Variants in KCNMA1 observed in about 807,000 individuals in gnomAD.
The protein encoded by KCNMA1 is Calcium-activated potassium channel subunit alpha-1.
Under a neutral mutation model 140.0 loss-of-function variants are expected in KCNMA1, and 29 were observed. That is an observed-to-expected ratio of 0.21 (90% CI 0.15 to 0.28). The LOEUF (loss-of-function observed/expected upper bound fraction) is 0.28. Ranked by LOEUF, KCNMA1 falls within the 10% of genes least tolerant of loss-of-function variation. The pLI is 1.00. For synonymous variants in KCNMA1, 612 were observed against 611.9 expected (o/e 1.00, Z 0.00); for missense variants, 880 against 1,602.2 (o/e 0.55, Z 7.70).
intron 1 of KCNMA1, among the ~76,000 whole-genome samples, chr10:77,413,611 A>T (rs2096669437): frequency 6.6e-6 from 1 of 152,100 alleles, no homozygotes; most frequent in South Asian, 2.1e-4. Context: ...CCAGAGAAAT[A>T]GGGCAACAGG....
intron 2 of KCNMA1, among the ~76,000 whole-genome samples, chr10:77,264,818 G>A (rs994468408): frequency 3.9e-5 from 6 of 152,094 alleles, no homozygotes; most frequent in African/African-American, 1.4e-4. Flanking sequence ...CACTCCATCA[G>A]AAGATCTTTA....
In KCNMA1 at chr10:77,506,596, A is replaced by AGTGTGTGT. The variant is rs796386759; in HGVS notation, c.379-102581_379-102574dup. On this transcript the variant is annotated intron_variant, in intron 1 of 27. Transcript: ENST00000286628. ...TAGAGAGAGAGAGAGAGAGAGAGAG[A>AGTGTGTGT]GTGTGTGTGTGTGTGTGTGTGTGTT... is the stretch of plus-strand genomic sequence containing the variant. Among the ~76,000 whole-genome samples, 228 of 83,526 alleles carry AGTGTGTGT rather than the reference A, an allele frequency of 2.7e-3. 5 individuals are homozygous for AGTGTGTGT. In the East Asian group the frequency reaches 0.028, roughly 10 times the overall value. 54.8% of individuals were successfully genotyped at this position (83,526 alleles called of 152,430 possible). A position where few individuals can be genotyped will look rare whatever the true frequency, so the allele number is the denominator to read the frequency against.
At chr10:77,087,361 C>T (rs1006742353) in intron 10 of KCNMA1, among the ~76,000 whole-genome samples, 7 of 151,946 alleles carry the variant, frequency 4.6e-5, no homozygotes, top group Non-Finnish European at 7.4e-5. Context: ...ATATAGATAC[C>T]GATATATATC....
At chr10:77,196,296 T>C (rs2040454731) in intron 3 of KCNMA1, among the ~76,000 whole-genome samples, 1 of 152,140 alleles carries the variant, frequency 6.6e-6, no homozygotes, top group African/African-American at 2.4e-5. Context: ...AATCACTGTG[T>C]TTTTCTGGGA....
intron 23 of KCNMA1, among the ~76,000 whole-genome samples, chr10:76,940,580 T>G (rs1185176316): frequency 6.6e-6 from 1 of 152,148 alleles, no homozygotes; most frequent in East Asian, 1.9e-4. Context: ...ATGCAGAGCA[T>G]GAGGTTCCAT....
intron 1 of KCNMA1, among the ~76,000 whole-genome samples, chr10:77,462,753 T>C (rs960283913): frequency 1.3e-5 from 2 of 152,194 alleles, no homozygotes; most frequent in African/African-American, 4.8e-5. Context: ...TCACGTTTCC[T>C]CAATGGACGG....
chr10:76,932,074 T>C (rs1485504604), intron 23 of KCNMA1, among the ~76,000 whole-genome samples: 4 of 152,230 alleles, frequency 2.6e-5, no homozygotes, highest in African/African-American at 9.6e-5. Context: ...CAGCCATTCA[T>C]TCAGGGTTGC....
intron 5 of KCNMA1, among the ~76,000 whole-genome samples, chr10:77,149,684 C>A (rs946995604): frequency 3.9e-5 from 6 of 152,176 alleles, no homozygotes; most frequent in Admixed American, 6.5e-5. Context: ...CAATCTCAGC[C>A]TGCATCCTAA....
At chr10:77,230,812 T>C (rs1599397251) in intron 3 of KCNMA1, among the ~76,000 whole-genome samples, 1 of 152,156 alleles carries the variant, frequency 6.6e-6, no homozygotes, top group South Asian at 2.1e-4. Context: ...CTTCCTACTT[T>C]TATGTGAAAA....
At chr10:77,454,464 A>G (rs901375149) in intron 1 of KCNMA1, among the ~76,000 whole-genome samples, 2 of 152,184 alleles carry the variant, frequency 1.3e-5, no homozygotes, top group Non-Finnish European at 2.9e-5. Flanking sequence ...ATACTCTCCC[A>G]TCTCGTTCAT....
intron 1 of KCNMA1, among the ~76,000 whole-genome samples, chr10:77,467,311 A>G (rs2098046310): frequency 6.6e-6 from 1 of 152,200 alleles, no homozygotes; most frequent in Non-Finnish European, 1.5e-5. Context: ...CTACACTTTA[A>G]TCAAGCTCTC....
chr10:77,415,442 T>A (rs2096719472), intron 1 of KCNMA1, among the ~76,000 whole-genome samples: 1 of 152,164 alleles, frequency 6.6e-6, no homozygotes, highest in Non-Finnish European at 1.5e-5. Flanking sequence ...CAGCTGCCAG[T>A]CTGCAGGGCA....
intron 6 of KCNMA1, among the ~76,000 whole-genome samples, chr10:77,115,559 T>C (rs956462264): frequency 1.3e-5 from 2 of 152,202 alleles, no homozygotes; most frequent in African/African-American, 4.8e-5. Context: ...TCCTGGATTC[T>C]TGGGACCTGA....
intron 1 of KCNMA1, among the ~76,000 whole-genome samples, chr10:77,489,139 G>A (rs1182919185): frequency 2.0e-5 from 3 of 152,102 alleles, no homozygotes; most frequent in African/African-American, 4.8e-5. Context: ...TCACAGGGCT[G>A]ACAGACAAAA....
intron 23 of KCNMA1, 115 bp downstream of exon 23, chr10:76,944,658 T>G: frequency 3.1e-6 from 3 of 968,342 alleles, no homozygotes; most frequent in Non-Finnish European, 4.9e-6. Context: ...GACCGCAGGT[T>G]TCACTGCCAG....
At chr10:77,631,005 G>C (rs1336447234) in intron 1 of KCNMA1, among the ~76,000 whole-genome samples, 2 of 150,266 alleles carry the variant, frequency 1.3e-5, no homozygotes, top group South Asian at 4.2e-4. Context: ...TACTTGGGGA[G>C]CTGAGGCAAG....
intron 1 of KCNMA1, among the ~76,000 whole-genome samples, chr10:77,476,477 T>C (rs1014760814): frequency 6.6e-6 from 1 of 152,178 alleles, no homozygotes; most frequent in East Asian, 1.9e-4. Context: ...TTCCCTCTGC[T>C]GCTCGGTCAG....
At chr10:77,361,565 G>A (rs1384701550) in intron 2 of KCNMA1, among the ~76,000 whole-genome samples, 4 of 152,236 alleles carry the variant, frequency 2.6e-5, no homozygotes, top group Admixed American at 6.5e-5. Context: ...CAGAGAGCTC[G>A]AAAATTAGAG....
At position 77,132,417 on chromosome 10, in the gene KCNMA1, A is replaced by G. The variant is rs185532844; in HGVS notation, c.809-11369T>C. ...AGCTGCCAGAAGGAAAAAATGAAGG[A>G]AATAGAGAACAGGAAACATTTAAAA... On this transcript the variant is annotated intron_variant, in intron 5 of 27. Transcript: ENST00000286628. 4.0e-3 allele frequency among the ~76,000 whole-genome samples: 614 copies of G among 152,242 alleles called. 6 individuals carry two copies. The highest frequency in any genetic ancestry group is 0.014 in the African/African-American group (599 of 41,546).
Sources: gnomAD v4.1 joint callset for allele counts (sites outside exome capture counted in the v4.1 genomes callset) on GRCh38, gnomAD v4.1.1 for gene constraint, MANE v1.5 for transcripts, NCBI Gene and HGNC (gene_info 2026-07-23, HGNC 2026-07-21) for gene names.